Variants in EPB41L4A observed in about 807,000 individuals in gnomAD.
EPB41L4A encodes band 4.1-like protein 4A.
A neutral mutation model predicts 108.6 loss-of-function variants in EPB41L4A; 100 were observed. That is an observed-to-expected ratio of 0.92 (90% CI 0.78 to 1.09). The LOEUF is 1.09. Among genes scored for constraint, EPB41L4A ranks in the 50% least tolerant of loss-of-function variants. The probability of loss-of-function intolerance (pLI) is 0.00; values close to 1 mark genes in which losing one functional copy is unlikely to be tolerated. For synonymous variants in EPB41L4A, 319 were observed against 289.0 expected, an observed-to-expected ratio of 1.10 and a Z score of -1.05; for missense variants, 1,030 against 842.7, an observed-to-expected ratio of 1.22 and a Z score of -2.75.
At chr5:112,149,864 G>T (rs929773193) in intron 12 of EPB41L4A, among the ~76,000 whole-genome samples, 1 of 152,164 alleles carries the variant, frequency 6.6e-6, no homozygotes, top group Non-Finnish European at 1.5e-5. Flanking sequence ...CACCCCAGTG[G>T]CTTATTGCTT....
chr5:112,193,404 C>T (rs1453398885), intron 17 of EPB41L4A, among the ~76,000 whole-genome samples: 1 of 152,160 alleles, frequency 6.6e-6, no homozygotes, highest in African/African-American at 2.4e-5. Context: ...CGGGTTCAAG[C>T]GATTCTCCTG....
In EPB41L4A at chr5:112,346,989, C is replaced by T. The variant is rs567864875; in HGVS notation, c.100-39499G>A. On this transcript the variant is annotated intron_variant, in intron 1 of 22. Coordinates refer to ENST00000261486, the MANE Select transcript of EPB41L4A (RefSeq NM_022140.5). ...TATTTAGCATTTTGACAGTTAGAGT[C>T]CAAACAGCCAGCTGTATATCTGACC... Among the ~76,000 whole-genome samples, 8 of 152,260 alleles carry T rather than the reference C, an allele frequency of 5.3e-5. No individual in the cohort carries two copies. The East Asian group carries it at 1.4e-3, about 26-fold the overall frequency.
chr5:112,349,049 A>C (rs570247497), intron 1 of EPB41L4A, among the ~76,000 whole-genome samples: 22 of 152,230 alleles, frequency 1.4e-4, no homozygotes, highest in African/African-American at 5.3e-4. Flanking sequence ...AACTCCCAGG[A>C]AAGTAGGAGT....
At chr5:112,292,371 T>G (rs1011295146) in intron 2 of EPB41L4A, among the ~76,000 whole-genome samples, 1 of 152,186 alleles carries the variant, frequency 6.6e-6, no homozygotes, top group African/African-American at 2.4e-5. Flanking sequence ...CCTCCAATAC[T>G]GATGGGTATC....
Position 112,307,448 on chromosome 5 carries a change from G to A in EPB41L4A, c.142C>T (p.His48Tyr), listed in dbSNP as rs564812157. The part of the protein sequence containing the change: ...GSVVLDHVFH[H>Y]VNLVEIDYFG... ...TAATCTATCTCCACAAGGTTTACGT[G>A]ATGGAATACGTGGTCAAGGACAACG... Residue 48 changes from histidine (H) to tyrosine (Y), a missense_variant, in exon 2 of 23, where the codon CAC becomes TAC. By Grantham distance (83) the His-to-Tyr change is moderately conservative. Coordinates refer to ENST00000261486, the MANE Select transcript of EPB41L4A (RefSeq NM_022140.5). The A allele has an allele frequency of 5.0e-6, 8 of 1,613,262 alleles. No individual in the cohort carries two copies. The highest frequency in any genetic ancestry group is 2.2e-5 in the South Asian group (2 of 91,042).
chr5:112,297,889 A>AT (rs1167801086), intron 2 of EPB41L4A, among the ~76,000 whole-genome samples: 1 of 151,730 alleles, frequency 6.6e-6, no homozygotes, highest in Non-Finnish European at 1.5e-5. Flanking sequence ...TCCCAGCACC[A>AT]TTTCCCCACT....
At chr5:112,200,510 A>G (rs1461619610) in intron 15 of EPB41L4A, among the ~76,000 whole-genome samples, 1 of 152,186 alleles carries the variant, frequency 6.6e-6, no homozygotes, top group Non-Finnish European at 1.5e-5. Context: ...CCTATGACTC[A>G]TGTATTTATC....
chr5:112,191,653 C>G (rs1168698800), intron 17 of EPB41L4A, among the ~76,000 whole-genome samples: 1 of 148,604 alleles, frequency 6.7e-6, no homozygotes, highest in Non-Finnish European at 1.5e-5. Context: ...TCATGCCTAA[C>G]AGAAAAGACC....
intron 17 of EPB41L4A, 33 bp from the exon 18 acceptor site, chr5:112,184,168 T>C: frequency 1.2e-6 from 2 of 1,609,142 alleles, no homozygotes; most frequent in Non-Finnish European, 1.7e-6. Flanking sequence ...GAAGTTAACA[T>C]CTACATGGAT....
At chr5:112,214,611 A>C (rs1747479125) in intron 12 of EPB41L4A, among the ~76,000 whole-genome samples, 1 of 152,082 alleles carries the variant, frequency 6.6e-6, no homozygotes, top group South Asian at 2.1e-4. Flanking sequence ...AAAATACAAA[A>C]AAAATTTAGC....
intron 12 of EPB41L4A, among the ~76,000 whole-genome samples, chr5:112,220,020 A>C (rs887975414): frequency 1.1e-4 from 16 of 152,206 alleles, no homozygotes; most frequent in Non-Finnish European, 7.3e-5. Context: ...AATGAGGTAA[A>C]CAGAGGTGGT....
At chr5:112,283,819 C>A (rs1220718538) in intron 2 of EPB41L4A, among the ~76,000 whole-genome samples, 2 of 151,918 alleles carry the variant, frequency 1.3e-5, no homozygotes, top group Non-Finnish European at 1.5e-5. Flanking sequence ...TGTGGTGAGA[C>A]AATAATTACT....
rs752316139 is a variant in EPB41L4A at position 112,168,712 on chromosome 5, CCTT to C, written c.1932+24_1932+26del. 222 of 1,585,696 alleles carry C rather than the reference CCTT, an allele frequency of 1.4e-4. 1 individual carries two copies. The East Asian group carries it at 2.6e-3, about 19-fold the overall frequency. ...TCTCAAAATTGTCATCAATACAACACCTTCTTCAAACCTTACTATTACTAACCT... is the reference window on the plus strand; with the variant it reads ...TCTCAAAATTGTCATCAATACAACACCTTCAAACCTTACTATTACTAACCT... On this transcript the variant is annotated intron_variant, in intron 22 of 22. Transcript: ENST00000261486.
intron 18 of EPB41L4A, among the ~76,000 whole-genome samples, chr5:112,177,100 A>T (rs1257117005): frequency 1.3e-5 from 2 of 151,290 alleles, no homozygotes; most frequent in African/African-American, 2.4e-5. Context: ...TATATATATA[A>T]TTTTTTTTTC....
At chr5:112,289,622 C>T (rs1262135315) in intron 2 of EPB41L4A, among the ~76,000 whole-genome samples, 2 of 152,130 alleles carry the variant, frequency 1.3e-5, no homozygotes, top group African/African-American at 4.8e-5. Flanking sequence ...TTTTCCCTTG[C>T]GAGGAAGCCA....
intron 1 of EPB41L4A, among the ~76,000 whole-genome samples, chr5:112,379,494 G>C (rs1245592661): frequency 3.3e-5 from 5 of 152,128 alleles, no homozygotes; most frequent in Non-Finnish European, 7.3e-5. Flanking sequence ...GAAATGACAG[G>C]GAAGAGGAGA....
intron 6 of EPB41L4A, chr5:112,264,355 C>G (rs1414335319): frequency 2.0e-5 from 3 of 152,362 alleles, no homozygotes; most frequent in African/African-American, 7.2e-5. Context: ...GGCATCATCA[C>G]TATTTCCAGA....
intron 4 of EPB41L4A, among the ~76,000 whole-genome samples, chr5:112,273,341 T>G (rs1220664506): frequency 6.6e-6 from 1 of 152,220 alleles, no homozygotes; most frequent in Non-Finnish European, 1.5e-5. Flanking sequence ...GGTTGTAAAT[T>G]ATACAAAAAT....
At chr5:112,329,721 T>C (rs1013391791) in intron 1 of EPB41L4A, among the ~76,000 whole-genome samples, 9 of 152,132 alleles carry the variant, frequency 5.9e-5, no homozygotes, top group African/African-American at 2.2e-4. Flanking sequence ...ATGAAATCCA[T>C]GTCACTCTCT....
Sources: gnomAD v4.1 joint callset for allele counts (sites outside exome capture counted in the v4.1 genomes callset) on GRCh38, gnomAD v4.1.1 for gene constraint, MANE v1.5 for transcripts, NCBI Gene and HGNC (gene_info 2026-07-23, HGNC 2026-07-21) for gene names.